TENM2: variants seen among roughly 807,000 people sequenced by gnomAD.
TENM2 encodes the protein teneurin-2.
A neutral mutation model predicts 245.2 loss-of-function variants in TENM2; 52 were observed. The ratio of observed to expected loss-of-function variants is 0.21; its 90% CI spans 0.17 to 0.27. The LOEUF is 0.27. Among genes scored for constraint, TENM2 ranks in the 10% least tolerant of loss-of-function variants. The pLI is 1.00. For missense variants in TENM2, 3,046 were observed against 3,666.8 expected, an observed-to-expected ratio of 0.83 and a Z score of 4.37; for synonymous variants, 1,363 against 1,438.9, an observed-to-expected ratio of 0.95 and a Z score of 1.19.
At chr5:167,475,602 C>G (rs951674826) in intron 2 of TENM2, among the ~76,000 whole-genome samples, 3 of 152,008 alleles carry the variant, frequency 2.0e-5, no homozygotes, top group Non-Finnish European at 4.4e-5. Context: ...AGGCTTTAAG[C>G]CCCGCATGCA....
At chr5:167,514,155 T>C (rs1770153959) in intron 2 of TENM2, among the ~76,000 whole-genome samples, 2 of 152,188 alleles carry the variant, frequency 1.3e-5, no homozygotes, top group Non-Finnish European at 2.9e-5. Context: ...ATATTCCCTT[T>C]TGTTCATTGC....
chr5:167,087,965 T>C, the TENM2 span, among the ~76,000 whole-genome samples: 1 of 152,178 alleles, frequency 6.6e-6, no homozygotes, highest in East Asian at 1.9e-4. Context: ...AATTTTTGTA[T>C]TTTTAGTAGA....
At chr5:167,786,744 CTGTT>C (rs1369736244) in intron 2 of TENM2, among the ~76,000 whole-genome samples, 3 of 152,344 alleles carry the variant, frequency 2.0e-5, no homozygotes, top group South Asian at 2.1e-4. Flanking sequence ...ACTTCACACT[CTGTT>C]TGTTCAGAGC....
At chr5:167,039,691 C>G in the TENM2 span, among the ~76,000 whole-genome samples, 1 of 151,514 alleles carries the variant, frequency 6.6e-6, no homozygotes, top group Non-Finnish European at 1.5e-5. Flanking sequence ...ACATATGAAG[C>G]CTTACATAAG....
At chr5:168,081,947 C>A (rs183284088) in intron 7 of TENM2, among the ~76,000 whole-genome samples, 1 of 152,148 alleles carries the variant, frequency 6.6e-6, no homozygotes, top group South Asian at 2.1e-4. Flanking sequence ...TTGTGGCATT[C>A]TCTTCATTTC....
At chr5:167,546,786 G>A (rs924566918) in intron 2 of TENM2, among the ~76,000 whole-genome samples, 1 of 152,076 alleles carries the variant, frequency 6.6e-6, no homozygotes, top group Non-Finnish European at 1.5e-5. Flanking sequence ...TTTCTTCCAT[G>A]CTCAAAAGAC....
chr5:167,037,305 CTA>C, the TENM2 span, among the ~76,000 whole-genome samples: 5 of 152,132 alleles, frequency 3.3e-5, no homozygotes, highest in Admixed American at 6.5e-5. Flanking sequence ...AAGCTTGAAG[CTA>C]TGTTATGGTA....
At chr5:167,222,312 A>G in the TENM2 span, among the ~76,000 whole-genome samples, 1 of 152,198 alleles carries the variant, frequency 6.6e-6, no homozygotes, top group Non-Finnish European at 1.5e-5. Flanking sequence ...AACTTTTTAT[A>G]AATTATTATC....
chr5:168,157,976 G>A lies in TENM2; in HGVS notation c.2423-4635G>A, dbSNP rs113106770. 7.7e-4 allele frequency among the ~76,000 whole-genome samples: 118 copies of A among 152,292 alleles called. 2 individuals carry two copies. The highest frequency in any genetic ancestry group is 2.6e-3 in the African/African-American group (106 of 41,566). On this transcript the variant is annotated intron_variant, in intron 12 of 28. Transcript: ENST00000518659. ...CTCACTCTGTCGCCTAGACTAGAGT[G>A]CAGTAGCACGATCTTGACTCACTGC...
upstream of TENM2, among the ~76,000 whole-genome samples, chr5:167,283,973 T>C (rs1423880827): frequency 1.3e-5 from 2 of 152,190 alleles, no homozygotes; most frequent in African/African-American, 2.4e-5. Flanking sequence ...ATTTTTTTTT[T>C]CGGTTCTATA....
chr5:167,567,161 A>G (rs1404289573), intron 2 of TENM2, among the ~76,000 whole-genome samples: 2 of 152,118 alleles, frequency 1.3e-5, no homozygotes, highest in Non-Finnish European at 2.9e-5. Flanking sequence ...AAATTATCTC[A>G]TCTTTACAAA....
At position 168,226,452 on chromosome 5, in the gene TENM2, A is replaced by G. The variant is rs573378136; in HGVS notation, c.5284+189A>G. Among the ~76,000 whole-genome samples, 3 of 152,282 alleles carry G rather than the reference A, an allele frequency of 2.0e-5. No individual in the cohort carries two copies. The South Asian group carries it at 6.2e-4, about 32-fold the overall frequency. On this transcript the variant is annotated intron_variant, in intron 24 of 28. Coordinates refer to ENST00000518659, the Ensembl canonical transcript of TENM2. ...ATCTTGTAGAAAATGACTTAATCAG[A>G]TAGAACAGAATGTCATCTACACCCA...
At chr5:167,893,712 A>G (rs1031234397) in intron 3 of TENM2, among the ~76,000 whole-genome samples, 1 of 151,890 alleles carries the variant, frequency 6.6e-6, no homozygotes, top group African/African-American at 2.4e-5. Flanking sequence ...TAAAGAAGAG[A>G]TAATTTCCAA....
chr5:167,962,416 A>G (rs1319263949), intron 4 of TENM2, among the ~76,000 whole-genome samples: 1 of 152,196 alleles, frequency 6.6e-6, no homozygotes, highest in East Asian at 1.9e-4. Context: ...AAAACTTGGT[A>G]AATATTTGAA....
chr5:166,995,591 G>A, the TENM2 span, among the ~76,000 whole-genome samples: 3 of 151,742 alleles, frequency 2.0e-5, no homozygotes, highest in East Asian at 2.0e-4. Context: ...AGGAGCAGGC[G>A]GATCACCTGA....
chr5:167,119,743 A>G, the TENM2 span, among the ~76,000 whole-genome samples: 1 of 152,212 alleles, frequency 6.6e-6, no homozygotes, highest in African/African-American at 2.4e-5. Context: ...CGGAGGTGAC[A>G]CCTTGAAACC....
rs1760673293 is a variant in TENM2 at position 167,375,180 on chromosome 5, C to T, written c.227-18C>T. 1.3e-6 allele frequency: 2 copies of T among 1,546,808 alleles called. No individual in the cohort carries two copies. The highest frequency in any genetic ancestry group is 8.7e-7 in the Non-Finnish European group (1 of 1,145,912). Reference sequence around the variant, plus strand: ...ATCTCACAAATTTTAATCAGCTTCTCTGTCACTGTCACCCTAGGAACCAAC... The same window carrying T: ...ATCTCACAAATTTTAATCAGCTTCTTTGTCACTGTCACCCTAGGAACCAAC... On this transcript the variant is annotated intron_variant, in intron 1 of 28. Transcript: ENST00000518659.
At chr5:167,693,729 A>G (rs1430527028) in intron 2 of TENM2, among the ~76,000 whole-genome samples, 1 of 151,976 alleles carries the variant, frequency 6.6e-6, no homozygotes, top group Admixed American at 6.6e-5. Context: ...AATATAGCTT[A>G]GGGAATTTCA....
At chr5:167,427,578 C>T (rs867753940) in intron 2 of TENM2, among the ~76,000 whole-genome samples, 6 of 43,200 alleles carry the variant, frequency 1.4e-4, no homozygotes, top group African/African-American at 4.3e-4. Context: ...GAAGGAAGGA[C>T]GGGAAGGAAG....
Sources: allele counts gnomAD v4.1 joint callset (sites outside exome capture counted in the v4.1 genomes callset), GRCh38; gene constraint gnomAD v4.1.1; transcripts MANE v1.5; gene names NCBI Gene and HGNC (gene_info 2026-07-23, HGNC 2026-07-21).